Variants in MYO3B observed in about 807,000 individuals in gnomAD.
MYO3B encodes the protein myosin-IIIb.
In MYO3B, 156 loss-of-function variants were observed where a neutral mutation model predicts 174.6. The ratio of observed to expected loss-of-function variants is 0.89; its 90% CI spans 0.78 to 1.02. The LOEUF is 1.02. MYO3B is among the 50% of genes least tolerant of loss of function. The probability of loss-of-function intolerance (pLI) is 0.00; values close to 1 mark genes in which losing one functional copy is unlikely to be tolerated. For synonymous variants in MYO3B, 563 were observed against 569.1 expected (o/e 0.99, Z 0.15); for missense variants, 1,632 against 1,639.4 (o/e 1.00, Z 0.08).
At chr2:170,186,333 T>C (rs1834188) in intron 1 of MYO3B, among the ~76,000 whole-genome samples, 66,617 of 151,970 alleles carry the variant, frequency 0.44, 15,699 homozygotes, top group Middle Eastern at 0.58. Context: ...TATCATGAAG[T>C]GATGTTGAGT....
intron 23 of MYO3B, among the ~76,000 whole-genome samples, chr2:170,463,018 G>A (rs888039210): frequency 1.4e-4 from 21 of 152,180 alleles, no homozygotes; most frequent in African/African-American, 4.8e-4. Flanking sequence ...TAATCATTTC[G>A]CCTCATGGCC....
chr2:170,378,067 A>C (rs942531695), intron 9 of MYO3B, among the ~76,000 whole-genome samples: 5 of 56,892 alleles, frequency 8.8e-5, no homozygotes, highest in African/African-American at 1.7e-4. Flanking sequence ...AAATCACTTA[A>C]CTCAATAAAA....
Position 170,519,419 on chromosome 2 carries a change from C to A in MYO3B, c.3473-19C>A. 6.2e-7 allele frequency: 1 copy of A among 1,607,476 alleles called. No individual in the cohort carries two copies. Among genetic ancestry groups the A allele is most frequent in the South Asian group, 1.1e-5 (1 of 90,726 alleles). On this transcript the variant is annotated intron_variant, in intron 29 of 34. Transcript: ENST00000408978. The stretch of plus-strand genomic sequence containing the variant: ...CCTACTTCTGAACATATGCTTAGCC[C>A]TCCTTTCTTTTCTCTCAGTTCTCAG...
At chr2:170,202,671 T>C (rs770031792) in intron 3 of MYO3B, among the ~76,000 whole-genome samples, 1 of 152,198 alleles carries the variant, frequency 6.6e-6, no homozygotes, top group Non-Finnish European at 1.5e-5. Context: ...CTCACTGGGA[T>C]CGTAGCACTT....
intron 3 of MYO3B, among the ~76,000 whole-genome samples, chr2:170,203,516 AG>A (rs1356454401): frequency 1.5e-3 from 30 of 20,188 alleles, no homozygotes; most frequent in African/African-American, 4.1e-3. Flanking sequence ...GGAGGGAGGG[AG>A]GGAGAAAGAG....
At chr2:170,447,035 G>A (rs1365054757) in intron 23 of MYO3B, among the ~76,000 whole-genome samples, 1 of 152,094 alleles carries the variant, frequency 6.6e-6, no homozygotes, top group Admixed American at 6.5e-5. Context: ...CCTTACCTCA[G>A]GTCAGGACAT....
intron 14 of MYO3B, among the ~76,000 whole-genome samples, chr2:170,389,445 A>G (rs926714281): frequency 6.6e-6 from 1 of 152,216 alleles, no homozygotes; most frequent in Admixed American, 6.5e-5. Context: ...ATGTACTCTG[A>G]GCAAGAACTA....
intron 32 of MYO3B, among the ~76,000 whole-genome samples, chr2:170,558,128 C>T (rs1484927288): frequency 3.3e-5 from 5 of 152,100 alleles, no homozygotes; most frequent in African/African-American, 1.2e-4. Context: ...GGTGAAATCC[C>T]ATCTCTACTA....
Position 170,604,807 on chromosome 2 carries a change from C to A in MYO3B, c.3734-46821C>A, listed in dbSNP as rs1016700501. Among the ~76,000 whole-genome samples, 5 of 152,168 alleles carry A rather than the reference C, an allele frequency of 3.3e-5. No homozygotes were observed. The East Asian group carries it at 7.7e-4, about 23-fold the overall frequency. On this transcript the variant is annotated intron_variant, in intron 32 of 34. Transcript: ENST00000408978. ...TATTTCAGAAAGAGGCCACACAATG[C>A]AGTTGTGCACATGTATAGCAAGTTA...
At chr2:170,199,123 A>T in intron 1 of MYO3B, 85 bp from the exon 2 acceptor site, 1 of 951,884 alleles carries the variant, frequency 1.1e-6, no homozygotes, top group Non-Finnish European at 1.5e-6. Flanking sequence ...GTTGCTGGTT[A>T]AGAAATAAAA....
chr2:170,496,333 CA>C (rs1321284457), intron 25 of MYO3B, among the ~76,000 whole-genome samples: 1 of 152,066 alleles, frequency 6.6e-6, no homozygotes, highest in Non-Finnish European at 1.5e-5. Context: ...ATATATTTGG[CA>C]GGGGGGAGGG....
In MYO3B at chr2:170,623,791, T is replaced by C. The variant is rs144513654; in HGVS notation, c.3734-27837T>C. Among the ~76,000 whole-genome samples, 1,301 of 152,360 alleles carry C rather than the reference T, an allele frequency of 8.5e-3. 19 individuals are homozygous for C. Among genetic ancestry groups the C allele is most frequent in the African/African-American group, 0.029 (1,194 of 41,590 alleles). On this transcript the variant is annotated intron_variant, in intron 32 of 34. Coordinates refer to ENST00000408978, the MANE Select transcript of MYO3B (RefSeq NM_138995.5). ...GGATCCAGTTTCATCTTTCTACATATGGCTAGCCAGTTTTCCCAGCACCAT... is the reference window on the plus strand; with the variant it reads ...GGATCCAGTTTCATCTTTCTACATACGGCTAGCCAGTTTTCCCAGCACCAT...
At chr2:170,249,356 C>G (rs1399138460) in intron 7 of MYO3B, among the ~76,000 whole-genome samples, 1 of 152,222 alleles carries the variant, frequency 6.6e-6, no homozygotes, top group African/African-American at 2.4e-5. Context: ...ACCCACACCA[C>G]CCTGCCCACC....
intron 7 of MYO3B, among the ~76,000 whole-genome samples, chr2:170,245,490 T>C (rs2105318999): frequency 6.6e-6 from 1 of 152,256 alleles, no homozygotes; most frequent in Non-Finnish European, 1.5e-5. Context: ...AGACCAAAAC[T>C]GCCATAAGGG....
chr2:170,556,159 G>A (rs1691274434), intron 32 of MYO3B, among the ~76,000 whole-genome samples: 1 of 151,422 alleles, frequency 6.6e-6, no homozygotes, highest in Non-Finnish European at 1.5e-5. Flanking sequence ...TCACGCCATT[G>A]AACTCCAGCC....
At chr2:170,460,433 A>C (rs185673578) in intron 23 of MYO3B, among the ~76,000 whole-genome samples, 1,571 of 136,882 alleles carry the variant, frequency 0.011, 34 homozygotes, top group African/African-American at 0.039. Context: ...GGTTGCAGTG[A>C]GCTGAGATTG....
At chr2:170,213,220 G>A (rs1387780410) in intron 3 of MYO3B, among the ~76,000 whole-genome samples, 1 of 152,218 alleles carries the variant, frequency 6.6e-6, no homozygotes, top group Non-Finnish European at 1.5e-5. Context: ...CCGAGTTAAA[G>A]AAGGAAGTGG....
intron 9 of MYO3B, among the ~76,000 whole-genome samples, chr2:170,380,999 TA>T (rs2094331128): frequency 6.6e-6 from 1 of 152,182 alleles, no homozygotes; most frequent in African/African-American, 2.4e-5. Context: ...TGCATACTTC[TA>T]GTACCAGCTA....
At chr2:170,613,670 T>C (rs1426335004) in intron 32 of MYO3B, among the ~76,000 whole-genome samples, 2 of 152,164 alleles carry the variant, frequency 1.3e-5, no homozygotes, top group African/African-American at 4.8e-5. Flanking sequence ...TTTGAGTCAG[T>C]GGGCTGGGAA....
Sources: gnomAD v4.1 joint callset for allele counts (sites outside exome capture counted in the v4.1 genomes callset) on GRCh38, gnomAD v4.1.1 for gene constraint, MANE v1.5 for transcripts, NCBI Gene and HGNC (gene_info 2026-07-23, HGNC 2026-07-21) for gene names.